NDRG4: variants seen among roughly 807,000 people sequenced by gnomAD.
NDRG4 encodes the protein NDRG family member 4, also known as protein NDRG4.
NDRG4 carries 38 observed loss-of-function variants against 55.8 expected under a neutral mutation model. The ratio of observed to expected loss-of-function variants is 0.68; its 90% CI spans 0.53 to 0.89. The LOEUF (loss-of-function observed/expected upper bound fraction) is 0.89, where lower values mean the gene tolerates loss of function less well. NDRG4 is among the 40% of genes least tolerant of loss of function. NDRG4 has a pLI of 0.00. For missense variants in NDRG4, 455 were observed against 468.6 expected, an observed-to-expected ratio of 0.97 and a Z score of 0.27; for synonymous variants, 190 against 182.7, an observed-to-expected ratio of 1.04 and a Z score of -0.32.
downstream of NDRG4, among the ~76,000 whole-genome samples, chr16:58,514,145 T>G (rs1029999717): frequency 6.6e-6 from 1 of 152,186 alleles, no homozygotes; most frequent in Non-Finnish European, 1.5e-5. Context: ...CTCTGCAATC[T>G]ATAACCAGAT....
At chr16:58,468,326 A>T (rs1217467516) in intron 1 of NDRG4, among the ~76,000 whole-genome samples, 1 of 152,170 alleles carries the variant, frequency 6.6e-6, no homozygotes. Flanking sequence ...GAATCAGAGG[A>T]TGTGAATTTC....
At chr16:58,500,994 G>A in intron 1 of NDRG4, 2 of 1,246,058 alleles carry the variant, frequency 1.6e-6, no homozygotes, top group Non-Finnish European at 2.0e-6. Context: ...GTAGGTGGGG[G>A]AAGGCAACGC....
chr16:58,511,613 C>T lies in NDRG4; in HGVS notation c.*37C>T, dbSNP rs1287459766. ...CCGCTGACGACGCCCACGTCGAGGC[C>T]CCACCGCCATCCTTGCGCCGGCTCA... On this transcript the variant is annotated 3_prime_UTR_variant, in exon 15 of 15. Transcript: ENST00000570248. 6.2e-7 allele frequency: 1 copy of T among 1,612,478 alleles called. No homozygotes were observed.
intron 5 of NDRG4, 98 bp from the exon 6 acceptor site, chr16:58,506,289 G>A (rs541834086): frequency 4.2e-5 from 50 of 1,177,218 alleles, no homozygotes; most frequent in South Asian, 1.9e-4. Flanking sequence ...GGCTGTAGCC[G>A]GGTGGCTGAT....
chr16:58,503,583 G>C, intron 1 of NDRG4: 1 of 898,448 alleles, frequency 1.1e-6, no homozygotes, highest in Non-Finnish European at 1.8e-6. Context: ...TCCCCATGCA[G>C]ATCAGTTCAC....
intron 2 of NDRG4, among the ~76,000 whole-genome samples, chr16:58,488,436 C>T (rs2035388672): frequency 6.6e-6 from 1 of 152,208 alleles, no homozygotes; most frequent in Admixed American, 6.5e-5. Context: ...ACCCTGTCCA[C>T]CTTCCCTTTC....
chr16:58,507,781 G>A (rs778889152), intron 8 of NDRG4, 27 bp from the exon 9 acceptor site: 9 of 1,611,436 alleles, frequency 5.6e-6, no homozygotes, highest in Non-Finnish European at 5.1e-6. Flanking sequence ...GCCCACCTCT[G>A]CCTCTGCCCC....
At chr16:58,495,122 A>G in intron 3 of NDRG4, 6 of 1,022,532 alleles carry the variant, frequency 5.9e-6, no homozygotes. Context: ...CCTGCCTAAC[A>G]GAGAGATGCT....
chr16:58,474,028 C>CA (rs2033249303), intron 1 of NDRG4, among the ~76,000 whole-genome samples: 7 of 101,206 alleles, frequency 6.9e-5, no homozygotes, highest in Admixed American at 2.3e-4. Flanking sequence ...TTTTCTTTCC[C>CA]TTTTTTTTTT....
rs1253654604 is a variant in NDRG4, at chr16:58,512,695, G to C, written c.*1119G>C. The C allele has an allele frequency of 6.5e-6, 1 of 153,952 alleles. No homozygotes were observed. Among genetic ancestry groups the C allele is most frequent in the Non-Finnish European group, 1.4e-5 (1 of 69,252 alleles). 9.5% of individuals were successfully genotyped at this position (153,952 alleles called of 1,614,324 possible). A position where few individuals can be genotyped will look rare whatever the true frequency, so the allele number is the denominator to read the frequency against. ...GGACATGAACAAGGGTCAGGTAGAA[G>C]AGAAAGGCTTCCCCTACACCCCAGC... On this transcript the variant is annotated 3_prime_UTR_variant, in exon 15 of 15. Transcript: ENST00000570248.
intron 1 of NDRG4, chr16:58,487,688 C>A: frequency 2.3e-6 from 3 of 1,310,476 alleles, no homozygotes; most frequent in Non-Finnish European, 3.1e-6. Flanking sequence ...CCAGCCCCGA[C>A]TTGCGCTGTC....
intron 1 of NDRG4, chr16:58,501,149 G>T: frequency 9.5e-7 from 1 of 1,052,630 alleles, no homozygotes; most frequent in Non-Finnish European, 1.2e-6. Context: ...GGCCCCACAC[G>T]CCTGCCCTGC....
At chr16:58,507,301 A>C in intron 8 of NDRG4, 1 of 472,256 alleles carries the variant, frequency 2.1e-6, no homozygotes, top group Admixed American at 3.5e-5. Context: ...GACTCCAGTA[A>C]CCCAGCCTTG....
At chr16:58,496,403 T>G (rs2036415953), upstream of NDRG4, among the ~76,000 whole-genome samples, 1 of 152,116 alleles carries the variant, frequency 6.6e-6, no homozygotes, top group African/African-American at 2.4e-5. Context: ...TCACACCACA[T>G]GGAGGCAGCA....
chr16:58,498,310 C>A (rs1179422443), upstream of NDRG4, among the ~76,000 whole-genome samples: 1 of 152,138 alleles, frequency 6.6e-6, no homozygotes, highest in Non-Finnish European at 1.5e-5. Context: ...ATTCTACTTC[C>A]TGCTGCCCTG....
intron 1 of NDRG4, among the ~76,000 whole-genome samples, chr16:58,486,459 CAA>C (rs112193649): frequency 7.6e-6 from 1 of 132,120 alleles, no homozygotes; most frequent in Non-Finnish European, 1.7e-5. Context: ...TGTGCCTGGC[CAA>C]AAAAAAAAAA....
chr16:58,500,295 A>G (rs2036907690), intron 1 of NDRG4, 26 bp downstream of exon 1: 2 of 1,535,146 alleles, frequency 1.3e-6, no homozygotes, highest in Admixed American at 2.0e-5. Flanking sequence ...GCGGGCATCA[A>G]GGTGGGCCGG....
intron 1 of NDRG4, among the ~76,000 whole-genome samples, chr16:58,477,360 G>A (rs1282753518): frequency 6.6e-6 from 1 of 152,132 alleles, no homozygotes; most frequent in African/African-American, 2.4e-5. Flanking sequence ...GGTTGAGGCA[G>A]AGAAAGTACA....
At chr16:58,515,274 C>G (rs758823992), downstream of NDRG4, among the ~76,000 whole-genome samples, 80 of 152,224 alleles carry the variant, frequency 5.3e-4, no homozygotes, top group Admixed American at 9.2e-4. Flanking sequence ...GGGGACAGAC[C>G]GAAGGCCAGG....
Sources: gnomAD v4.1 joint callset for allele counts (sites outside exome capture counted in the v4.1 genomes callset) on GRCh38, gnomAD v4.1.1 for gene constraint, MANE v1.5 for transcripts, NCBI Gene and HGNC (gene_info 2026-07-23, HGNC 2026-07-21) for gene names.